The following FYB2 variants were observed in gnomAD, a reference collection of about 807,000 sequenced individuals.
The protein encoded by FYB2 is FYN binding protein 2.
Under a neutral mutation model 94.1 loss-of-function variants are expected in FYB2, and 103 were observed. That is an observed-to-expected ratio of 1.09 (90% confidence interval 0.93 to 1.29). The LOEUF (loss-of-function observed/expected upper bound fraction) is 1.29, where lower values mean the gene tolerates loss of function less well. Among genes scored for constraint, FYB2 ranks in the 50% most tolerant of loss-of-function variants. The probability of loss-of-function intolerance (pLI) is 0.00; values close to 1 mark genes in which losing one functional copy is unlikely to be tolerated. For missense variants in FYB2, 896 were observed against 841.5 expected (o/e 1.06, Z -0.80); for synonymous variants, 293 against 287.9 (o/e 1.02, Z -0.18).
rs781229311 is a variant in FYB2, at chr1:56,726,596, A to G, written c.1794-13T>C. 2 of 1,597,926 alleles carry G rather than the reference A, an allele frequency of 1.3e-6. No homozygotes were observed. Among genetic ancestry groups the G allele is most frequent in the Non-Finnish European group, 1.7e-6 (2 of 1,168,024 alleles). On this transcript the variant is annotated splice_polypyrimidine_tract_variant and intron_variant, in intron 15 of 19. Transcript: ENST00000343433. ...TTTATCTTCATCTCTGAGGAGAAAT[A>G]TATTTTGAGCAAGTAAATTAAGACT... is the stretch of plus-strand genomic sequence containing the variant.
chr1:56,765,948 G>T (rs1248084899), intron 5 of FYB2, among the ~76,000 whole-genome samples: 1 of 152,170 alleles, frequency 6.6e-6, no homozygotes, highest in African/African-American at 2.4e-5. Flanking sequence ...TGAGCTACTT[G>T]CAGGGGGGTG....
At chr1:56,740,839 G>A (rs780171929) in intron 12 of FYB2, 44 bp from the exon 13 acceptor site, 10 of 1,309,464 alleles carry the variant, frequency 7.6e-6, no homozygotes, top group Non-Finnish European at 1.1e-5. Context: ...ATTTAAGAGA[G>A]TACTAGAGAT....
At chr1:56,807,096 C>T (rs895603667) in intron 1 of FYB2, among the ~76,000 whole-genome samples, 6 of 152,158 alleles carry the variant, frequency 3.9e-5, no homozygotes, top group Non-Finnish European at 8.8e-5. Flanking sequence ...GCTGGAAAAA[C>T]CGACCACAGA....
chr1:56,741,886 C>T (rs1191360502), intron 12 of FYB2, among the ~76,000 whole-genome samples: 1 of 152,010 alleles, frequency 6.6e-6, no homozygotes, highest in Admixed American at 6.6e-5. Context: ...AAATCATTTA[C>T]TCTGGGAAAT....
chr1:56,735,078 A>G (rs987221549), intron 15 of FYB2, among the ~76,000 whole-genome samples: 2 of 152,150 alleles, frequency 1.3e-5, no homozygotes, highest in Non-Finnish European at 2.9e-5. Context: ...AAATAGAACT[A>G]TCATATGATT....
intron 7 of FYB2, 58 bp from the exon 8 acceptor site, chr1:56,753,993 G>T (rs1162491407): frequency 3.8e-6 from 4 of 1,045,726 alleles, no homozygotes; most frequent in Non-Finnish European, 3.0e-6. Flanking sequence ...AAATGATAGT[G>T]TACTGTCCAA....
intron 15 of FYB2, among the ~76,000 whole-genome samples, chr1:56,727,234 G>A (rs1439714751): frequency 6.6e-6 from 1 of 152,090 alleles, no homozygotes; most frequent in African/African-American, 2.4e-5. Flanking sequence ...AAATGGATGA[G>A]CAGAGAGAAT....
At chr1:56,785,696 T>C (rs1236398166) in intron 4 of FYB2, among the ~76,000 whole-genome samples, 1 of 152,212 alleles carries the variant, frequency 6.6e-6, no homozygotes, top group Non-Finnish European at 1.5e-5. Flanking sequence ...CTAAGTGTAC[T>C]TATTTCTAGT....
rs755720862 is a variant in FYB2 at position 56,767,826 on chromosome 1, T to TA, written c.1063+2dup. Reference sequence around the variant, plus strand: ...ACACTATTAATTGGCTTAGCAGACTTACGATCAGCAATTTCTTTTGCAGTG... The same window carrying TA: ...ACACTATTAATTGGCTTAGCAGACTTAACGATCAGCAATTTCTTTTGCAGTG... On this transcript the variant is annotated splice_region_variant and intron_variant, in intron 5 of 19. Transcript: ENST00000343433. The TA allele has an allele frequency of 5.0e-6, 8 of 1,589,374 alleles. No homozygotes were observed. Among genetic ancestry groups the TA allele is most frequent in the Non-Finnish European group, 6.9e-6 (8 of 1,160,182 alleles).
chr1:56,793,290 A>G lies in FYB2; in HGVS notation c.10-487T>C, dbSNP rs1646317417. Among the ~76,000 whole-genome samples the G allele has an allele frequency of 3.3e-5, 5 of 151,960 alleles. No homozygotes were observed. The South Asian group carries it at 1.0e-3, about 32-fold the overall frequency. On this transcript the variant is annotated intron_variant, in intron 1 of 19. Transcript: ENST00000343433. ...ACAGAACTGTTTACAATTTTCTTAG[A>G]CCCTCCTACTCTCTATCACCTGGAG...
chr1:56,820,686 C>A (rs1646981463), upstream of FYB2, among the ~76,000 whole-genome samples: 1 of 152,212 alleles, frequency 6.6e-6, no homozygotes, highest in South Asian at 2.1e-4. Flanking sequence ...ATTCAAGTCC[C>A]AGACAAAACA....
intron 1 of FYB2, among the ~76,000 whole-genome samples, chr1:56,812,812 T>C (rs1646796825): frequency 6.6e-6 from 1 of 152,188 alleles, no homozygotes; most frequent in South Asian, 2.1e-4. Context: ...CCCAGGTTGA[T>C]GGGGGAAGAG....
At position 56,753,838 on chromosome 1, in the gene FYB2, C is replaced by T. The variant is rs1458784115; in HGVS notation, c.1227+1G>A. On this transcript the variant is annotated splice_donor_variant, in intron 8 of 19. Coordinates refer to ENST00000343433, the MANE Select transcript of FYB2 (RefSeq NM_001004303.5). LOFTEE classifies it high-confidence loss of function. ...CTGCAGGAACCGTAGAACATAGGTA[C>T]CTTGAAAACATGGTTTGAATATGGT... The T allele has an allele frequency of 6.3e-7, 1 of 1,596,714 alleles. No homozygotes were observed. Among genetic ancestry groups the T allele is most frequent in the Admixed American group, 1.7e-5 (1 of 59,782 alleles).
chr1:56,753,065 A>T (rs1182101717), intron 8 of FYB2, among the ~76,000 whole-genome samples: 1 of 152,046 alleles, frequency 6.6e-6, no homozygotes, highest in Non-Finnish European at 1.5e-5. Context: ...CAACCTCTGG[A>T]CCTACATGCC....
At chr1:56,742,840 T>C (rs951743056) in intron 11 of FYB2, among the ~76,000 whole-genome samples, 2 of 152,084 alleles carry the variant, frequency 1.3e-5, no homozygotes, top group African/African-American at 4.8e-5. Flanking sequence ...GGTTTAATGA[T>C]ATTTAAGGTT....
chr1:56,727,072 G>C (rs575365071), intron 15 of FYB2, among the ~76,000 whole-genome samples: 1 of 152,202 alleles, frequency 6.6e-6, no homozygotes, highest in Admixed American at 6.6e-5. Flanking sequence ...AAGGGAGAAG[G>C]TATTTATTAT....
intron 1 of FYB2, among the ~76,000 whole-genome samples, chr1:56,799,030 C>G (rs1451473221): frequency 6.6e-6 from 1 of 152,164 alleles, no homozygotes; most frequent in Non-Finnish European, 1.5e-5. Flanking sequence ...TTGCTAGTTT[C>G]AGAGATAACT....
chr1:56,746,173 A>T lies in FYB2; in HGVS notation c.1388-1907T>A, dbSNP rs1158782096. 5.3e-5 allele frequency among the ~76,000 whole-genome samples: 8 copies of T among 152,012 alleles called. No homozygotes were observed. The South Asian group carries it at 1.5e-3, about 28-fold the overall frequency. On this transcript the variant is annotated intron_variant, in intron 9 of 19. Transcript: ENST00000343433. ...ATCCGAAAGTAACCTCTGTGAGAAA[A>T]GGAATTTTTGCCTGTTCACTGCTAT... is the stretch of plus-strand genomic sequence containing the variant.
At chr1:56,736,337 G>A (rs1483377972) in intron 15 of FYB2, among the ~76,000 whole-genome samples, 1 of 151,550 alleles carries the variant, frequency 6.6e-6, no homozygotes, top group African/African-American at 2.4e-5. Flanking sequence ...AACATGAAGA[G>A]AGGAGACTTT....
Sources: allele counts gnomAD v4.1 joint callset (sites outside exome capture counted in the v4.1 genomes callset), GRCh38; gene constraint gnomAD v4.1.1; transcripts MANE v1.5; gene names NCBI Gene and HGNC (gene_info 2026-07-23, HGNC 2026-07-21).